The following SGPP2 variants were observed in gnomAD, a reference collection of about 807,000 sequenced individuals.
The protein encoded by SGPP2 is sphingosine 1-phosphate phosphohydrolase 2.
SGPP2 carries 30 observed loss-of-function variants against 33.9 expected under a neutral mutation model. The observed-to-expected ratio is 0.89, with a 90% confidence interval of 0.66 to 1.20. The LOEUF is 1.20. SGPP2 is among the 50% of genes most tolerant of loss of function. The pLI is 0.00. For missense variants in SGPP2, 458 were observed against 532.1 expected, an observed-to-expected ratio of 0.86 and a Z score of 1.37; for synonymous variants, 233 against 225.0, an observed-to-expected ratio of 1.04 and a Z score of -0.32.
In SGPP2 at chr2:222,556,762, TCACCCTCACTCCTCCCCATC is replaced by T. The variant is rs1559178976; in HGVS notation, c.649-1571_649-1552del. ...CCCATCCACCCTCACTCCTCCCCAT[TCACCCTCACTCCTCCCCATC>T]CACCCTCACTCCTTCCCCATCCACC... On this transcript the variant is annotated intron_variant, in intron 4 of 4. Transcript: ENST00000321276. Among the ~76,000 whole-genome samples, 15 of 3,052 alleles carry T rather than the reference TCACCCTCACTCCTCCCCATC, an allele frequency of 4.9e-3. 7 individuals carry two copies. Among genetic ancestry groups the T allele is most frequent in the Non-Finnish European group, 0.011 (11 of 1,038 alleles). 2.0% of individuals were successfully genotyped at this position (3,052 alleles called of 152,430 possible).
At chr2:222,427,178 T>C (rs990534962) in intron 1 of SGPP2, among the ~76,000 whole-genome samples, 1 of 152,240 alleles carries the variant, frequency 6.6e-6, no homozygotes, top group Admixed American at 6.5e-5. Context: ...ATGGTCCTTA[T>C]TTTTTTCTCA....
At chr2:222,547,625 TTA>T (rs1689224165) in intron 4 of SGPP2, among the ~76,000 whole-genome samples, 1 of 152,152 alleles carries the variant, frequency 6.6e-6, no homozygotes, top group Non-Finnish European at 1.5e-5. Context: ...TATTATACTA[TTA>T]TATTATCACA....
rs138289825 is a variant in SGPP2, at chr2:222,491,650, G to C, written c.378+16924G>C. 5.8e-4 allele frequency among the ~76,000 whole-genome samples: 89 copies of C among 152,260 alleles called. 1 individual carries two copies. The highest frequency in any genetic ancestry group is 6.8e-3 in the Middle Eastern group (2 of 294). On this transcript the variant is annotated intron_variant, in intron 2 of 4. Coordinates refer to ENST00000321276, the MANE Select transcript of SGPP2 (RefSeq NM_152386.4). ...ATTATGGGGTTACCATTTGAGATAA[G>C]AGTTGAGTAGGGACACAGAGCCAAA...
At position 222,476,766 on chromosome 2, in the gene SGPP2, GTATA is replaced by G. The variant is rs1268091176; in HGVS notation, c.378+2044_378+2047del. 2.6e-5 allele frequency among the ~76,000 whole-genome samples: 4 copies of G among 151,824 alleles called. No homozygotes were observed. In the East Asian group the frequency reaches 7.8e-4, roughly 29 times the overall value. The stretch of plus-strand genomic sequence containing the variant: ...TGTGTATATGTATGTATATAGGTGT[GTATA>G]TATGCGTATGTGTGTATACAGGTGT... On this transcript the variant is annotated intron_variant, in intron 2 of 4. Transcript: ENST00000321276. The surrounding 1 kb of genome is among the most constrained non-coding windows in gnomAD (Gnocchi z 4.3).
intron 2 of SGPP2, among the ~76,000 whole-genome samples, chr2:222,487,483 A>G (rs1300840041): frequency 6.6e-6 from 1 of 152,168 alleles, no homozygotes; most frequent in Non-Finnish European, 1.5e-5. Context: ...AAGTTTTATG[A>G]TGATAAAAAT....
Position 222,561,316 on chromosome 2 carries a change from C to G in SGPP2, c.*2418C>G, listed in dbSNP as rs963253953. On this transcript the variant is annotated 3_prime_UTR_variant, in exon 5 of 5. Coordinates refer to ENST00000321276, the MANE Select transcript of SGPP2 (RefSeq NM_152386.4). ...TCTGCCCCTGCAGAGCAGTGGCTGTCAGCCGGATGCGGCACTTTTCTGTAT... is the reference window on the plus strand; with the variant it reads ...TCTGCCCCTGCAGAGCAGTGGCTGTGAGCCGGATGCGGCACTTTTCTGTAT... Among the ~76,000 whole-genome samples, 32 of 152,116 alleles carry G rather than the reference C, an allele frequency of 2.1e-4. No homozygotes were observed. The highest frequency in any genetic ancestry group is 7.7e-4 in the African/African-American group (32 of 41,512).
intron 1 of SGPP2, among the ~76,000 whole-genome samples, chr2:222,444,504 T>C (rs1697371189): frequency 6.6e-6 from 1 of 152,224 alleles, no homozygotes; most frequent in Non-Finnish European, 1.5e-5. Context: ...TGTGCCAGAC[T>C]GTGAACCCTC....
chr2:222,530,254 C>T (rs1698819136), intron 4 of SGPP2, among the ~76,000 whole-genome samples: 1 of 152,166 alleles, frequency 6.6e-6, no homozygotes, highest in Non-Finnish European at 1.5e-5. Context: ...TTAAAGTTAC[C>T]AGCTGCATTA....
chr2:222,520,920 T>C (rs951953072), intron 2 of SGPP2, among the ~76,000 whole-genome samples: 2 of 151,892 alleles, frequency 1.3e-5, no homozygotes, highest in Admixed American at 1.3e-4. Flanking sequence ...CCATCACACC[T>C]GACAAATTTT....
rs1383457978 is a variant in SGPP2 at position 222,465,097 on chromosome 2, C to A, written c.220-9471C>A. Among the ~76,000 whole-genome samples the A allele has an allele frequency of 1.3e-5, 2 of 152,212 alleles. No homozygotes were observed. Among genetic ancestry groups the A allele is most frequent in the African/African-American group, 2.4e-5 (1 of 41,454 alleles). On this transcript the variant is annotated intron_variant, in intron 1 of 4. Coordinates refer to ENST00000321276, the MANE Select transcript of SGPP2 (RefSeq NM_152386.4). The surrounding 1 kb of genome is among the most constrained non-coding windows in gnomAD (Gnocchi z 4.1). ...CAACCCTCCCTCCTATCCTTGGACG[C>A]AGCAGAGGGATCCCGACAAACGCCC...
At chr2:222,487,321 C>T (rs750381988) in intron 2 of SGPP2, among the ~76,000 whole-genome samples, 5 of 152,120 alleles carry the variant, frequency 3.3e-5, no homozygotes, top group Admixed American at 6.5e-5. Context: ...GGTTGGGATG[C>T]GCTTATAGCC....
intron 2 of SGPP2, among the ~76,000 whole-genome samples, chr2:222,484,380 A>T (rs1335847644): frequency 4.6e-5 from 7 of 152,150 alleles, no homozygotes; most frequent in African/African-American, 1.7e-4. Flanking sequence ...ATCATTTCTG[A>T]TGCTTCATTT....
chr2:222,444,136 G>A (rs1032356174), intron 1 of SGPP2, among the ~76,000 whole-genome samples: 2 of 152,178 alleles, frequency 1.3e-5, no homozygotes, highest in Admixed American at 6.5e-5. Flanking sequence ...TTCCTCTCTT[G>A]TTGTAGAGCA....
chr2:222,444,284 C>T (rs1697367861), intron 1 of SGPP2, among the ~76,000 whole-genome samples: 1 of 152,176 alleles, frequency 6.6e-6, no homozygotes, highest in Non-Finnish European at 1.5e-5. Context: ...GGGAAGCATT[C>T]AGCCATATTG....
In SGPP2 at chr2:222,491,122, G is replaced by A. The variant is rs1045869504; in HGVS notation, c.378+16396G>A. On this transcript the variant is annotated intron_variant, in intron 2 of 4. Transcript: ENST00000321276. ...ATTTCTAAAAATAATCTTTAAGATG[G>A]CATAGCACTTCCAAATATATATTTT... Among the ~76,000 whole-genome samples the A allele has an allele frequency of 2.7e-5, 4 of 148,658 alleles. No homozygotes were observed. In the Admixed American group the frequency reaches 2.8e-4, roughly 10 times the overall value.
intron 2 of SGPP2, among the ~76,000 whole-genome samples, chr2:222,518,427 CCT>C (rs1276483486): frequency 2.6e-5 from 4 of 152,164 alleles, no homozygotes; most frequent in Non-Finnish European, 4.4e-5. Flanking sequence ...TTACCCTTAT[CCT>C]CTCTGTTAGG....
intron 1 of SGPP2, among the ~76,000 whole-genome samples, chr2:222,428,241 C>A (rs1408314130): frequency 6.6e-6 from 1 of 152,064 alleles, no homozygotes; most frequent in African/African-American, 2.4e-5. Flanking sequence ...CTGTAGGAAG[C>A]CATTTTTGGT....
intron 2 of SGPP2, among the ~76,000 whole-genome samples, chr2:222,499,134 G>A (rs542633334): frequency 6.6e-6 from 1 of 152,358 alleles, no homozygotes; most frequent in African/African-American, 2.4e-5. Context: ...TCCATTGTCA[G>A]CATTGCTGAA....
chr2:222,469,562 C>G (rs555227820), intron 1 of SGPP2, among the ~76,000 whole-genome samples: 1 of 152,346 alleles, frequency 6.6e-6, no homozygotes, highest in African/African-American at 2.4e-5. Flanking sequence ...GCTGGCTAGT[C>G]AGAAATGTAG....
Sources: allele counts gnomAD v4.1 joint callset (sites outside exome capture counted in the v4.1 genomes callset), GRCh38; gene constraint gnomAD v4.1.1; non-coding constraint Gnocchi (gnomAD v3.1); transcripts MANE v1.5; gene names NCBI Gene and HGNC (gene_info 2026-07-23, HGNC 2026-07-21).